Variants in AGAP1 observed in about 807,000 individuals in gnomAD.
AGAP1 encodes ArfGAP with GTPase domain, ankyrin repeat and PH domain 1, also known as arf-GAP with GTPase, ANK repeat and PH domain-containing protein 1.
In AGAP1, 29 loss-of-function variants were observed where a neutral mutation model predicts 105.3. The ratio of observed to expected loss-of-function variants is 0.28; its 90% confidence interval spans 0.21 to 0.38. AGAP1 has a LOEUF of 0.38. Ranked by LOEUF, AGAP1 falls within the 10% of genes least tolerant of loss-of-function variation. The probability of loss-of-function intolerance (pLI) is 1.00; values close to 1 mark genes in which losing one functional copy is unlikely to be tolerated. For missense variants in AGAP1, 998 were observed against 1,165.1 expected (o/e 0.86, Z 2.09); for synonymous variants, 509 against 485.9 (o/e 1.05, Z -0.63).
intron 13 of AGAP1, among the ~76,000 whole-genome samples, chr2:235,985,382 T>C (rs1415488882): frequency 1.3e-5 from 2 of 152,244 alleles, no homozygotes; most frequent in African/African-American, 4.8e-5. Context: ...GCAAAATTTT[T>C]CTCCCATTCT....
At position 236,038,587 on chromosome 2, in the gene AGAP1, A is replaced by G. The variant is rs528823638; in HGVS notation, c.1800+1872A>G. ...AAAGGTGGCCGACTCAGAGCTGGTC[A>G]TCGTGGGCATTGGTTGAACAGGTGT... On this transcript the variant is annotated intron_variant, in intron 14 of 17. Coordinates refer to ENST00000304032, the MANE Select transcript of AGAP1 (RefSeq NM_001037131.3). The surrounding 1 kb of genome is among the most constrained non-coding windows in gnomAD (Gnocchi z 4.5). Among the ~76,000 whole-genome samples, 9 of 152,338 alleles carry G rather than the reference A, an allele frequency of 5.9e-5. No individual in the cohort carries two copies. Among genetic ancestry groups the G allele is most frequent in the African/African-American group, 1.7e-4 (7 of 41,572 alleles).
At chr2:236,069,126 T>TAAA (rs1056836570) in intron 16 of AGAP1, among the ~76,000 whole-genome samples, 1 of 138,142 alleles carries the variant, frequency 7.2e-6, no homozygotes, top group African/African-American at 2.7e-5. Context: ...GACTCCATCT[T>TAAA]AAAAAAAAAA....
At chr2:236,086,179 G>A (rs1428344670) in intron 16 of AGAP1, among the ~76,000 whole-genome samples, 1 of 152,124 alleles carries the variant, frequency 6.6e-6, no homozygotes, top group East Asian at 1.9e-4. Context: ...AAAGTATTCG[G>A]TGATTAAATT....
rs755586107 is a variant in AGAP1, at chr2:236,036,156, C to T, written c.1646-405C>T. Among the ~76,000 whole-genome samples, 7 of 152,128 alleles carry T rather than the reference C, an allele frequency of 4.6e-5. No homozygotes were observed. The highest frequency in any genetic ancestry group is 1.7e-4 in the African/African-American group (7 of 41,426). On this transcript the variant is annotated intron_variant, in intron 13 of 17. Coordinates refer to ENST00000304032, the MANE Select transcript of AGAP1 (RefSeq NM_001037131.3). This position sits in a 1 kb window ranked among gnomAD's most constrained non-coding sequence, Gnocchi z 5.7. ...TCCATGGAGTGTCTGTGGATCTACGCGAGTGCTTAGATAGAAATTAACCCT... is the reference window on the plus strand; with the variant it reads ...TCCATGGAGTGTCTGTGGATCTACGTGAGTGCTTAGATAGAAATTAACCCT...
chr2:236,002,197 G>C lies in AGAP1; in HGVS notation c.1645+33574G>C, dbSNP rs974636312. 6.6e-6 allele frequency among the ~76,000 whole-genome samples: 1 copy of C among 152,210 alleles called. No individual in the cohort carries two copies. Among genetic ancestry groups the C allele is most frequent in the Non-Finnish European group, 1.5e-5 (1 of 68,044 alleles). On this transcript the variant is annotated intron_variant, in intron 13 of 17. Coordinates refer to ENST00000304032, the MANE Select transcript of AGAP1 (RefSeq NM_001037131.3). This position sits in a 1 kb window ranked among gnomAD's most constrained non-coding sequence, Gnocchi z 4.3. ...GTCATTCATTCAGCAGACTCGTTGA[G>C]AACATGTGTGGTAGGCACGTGCTGG...
rs1007824855 is a variant in AGAP1, at chr2:235,705,062, T to C, written c.164-4117T>C. 7.7e-6 allele frequency among the ~76,000 whole-genome samples: 1 copy of C among 130,170 alleles called. No individual in the cohort carries two copies. Among genetic ancestry groups the C allele is most frequent in the African/African-American group, 2.9e-5 (1 of 35,002 alleles). The allele number at this position is 130,170 out of a possible 152,430, so 85.4% of individuals were successfully genotyped here. On this transcript the variant is annotated intron_variant, in intron 1 of 17. Coordinates refer to ENST00000304032, the MANE Select transcript of AGAP1 (RefSeq NM_001037131.3). This position sits in a 1 kb window ranked among gnomAD's most constrained non-coding sequence, Gnocchi z 4.9. ...GGTGGGATCTCGGCTCGCTGCAACC[T>C]CTACCTCCCGGGTTCAAGCACTTCT...
intron 10 of AGAP1, among the ~76,000 whole-genome samples, chr2:235,902,746 C>T (rs572790965): frequency 6.6e-6 from 1 of 152,346 alleles, no homozygotes; most frequent in East Asian, 1.9e-4. Context: ...GCAACTCCAA[C>T]AGCTGCAGAA....
intron 13 of AGAP1, among the ~76,000 whole-genome samples, chr2:236,007,459 G>C (rs1225911754): frequency 6.6e-6 from 1 of 152,174 alleles, no homozygotes; most frequent in Non-Finnish European, 1.5e-5. Flanking sequence ...TGTGGAGGCT[G>C]GTGGTCCAGC....
At chr2:236,043,502 G>A (rs186767385) in intron 15 of AGAP1, among the ~76,000 whole-genome samples, 16 of 152,268 alleles carry the variant, frequency 1.1e-4, no homozygotes, top group East Asian at 3.9e-4. Flanking sequence ...CAAGGTGGGC[G>A]GATCACCTGA....
intron 2 of AGAP1, 29 bp from the exon 3 acceptor site, chr2:235,717,528 T>C (rs1383967359): frequency 2.6e-6 from 4 of 1,565,338 alleles, no homozygotes; most frequent in Non-Finnish European, 2.6e-6. Context: ...GATTTGATGA[T>C]GCTTAACGGT....
At position 235,549,281 on chromosome 2, in the gene AGAP1, G is replaced by A. The variant is rs557512969; in HGVS notation, c.163+54432G>A. On this transcript the variant is annotated intron_variant, in intron 1 of 17. Coordinates refer to ENST00000304032, the MANE Select transcript of AGAP1 (RefSeq NM_001037131.3). The surrounding 1 kb of genome is among the most constrained non-coding windows in gnomAD (Gnocchi z 4.2). ...AAAGCTGGGGGGAACGTGGAGGACA[G>A]GGATGACTGGAGAGAGCTGGCGAGT... Among the ~76,000 whole-genome samples, 7 of 152,358 alleles carry A rather than the reference G, an allele frequency of 4.6e-5. No homozygotes were observed. The South Asian group carries it at 1.0e-3, about 23-fold the overall frequency.
chr2:235,717,398 A>G (rs1304560380), intron 2 of AGAP1, among the ~76,000 whole-genome samples, 159 bp from the exon 3 acceptor site: 1 of 152,020 alleles, frequency 6.6e-6, no homozygotes. Flanking sequence ...ACTCCCTTTT[A>G]CTCCAATGGA....
chr2:235,722,531 C>A (rs1436188814), intron 3 of AGAP1, among the ~76,000 whole-genome samples: 1 of 152,126 alleles, frequency 6.6e-6, no homozygotes, highest in Non-Finnish European at 1.5e-5. Context: ...GACTCCTAAC[C>A]CCAGTCTCTG....
At chr2:235,532,946 G>A (rs6754331) in intron 1 of AGAP1, among the ~76,000 whole-genome samples, 83,641 of 151,896 alleles carry the variant, frequency 0.55, 23,699 homozygotes, top group Admixed American at 0.63. Context: ...GCTTTCCTTG[G>A]TTTGATTCTG....
rs1417877230 is a variant in AGAP1, at chr2:235,981,954, A to G, written c.1645+13331A>G. ...GATTCTTCCTACAGAAGAAGTTCAT[A>G]TAAAATAAGGGGTTTTATTATGGGT... On this transcript the variant is annotated intron_variant, in intron 13 of 17. Coordinates refer to ENST00000304032, the MANE Select transcript of AGAP1 (RefSeq NM_001037131.3). This position sits in a 1 kb window ranked among gnomAD's most constrained non-coding sequence, Gnocchi z 5.5. Among the ~76,000 whole-genome samples, 5 of 152,210 alleles carry G rather than the reference A, an allele frequency of 3.3e-5. No individual in the cohort carries two copies. The highest frequency in any genetic ancestry group is 7.3e-5 in the Non-Finnish European group (5 of 68,028).
At chr2:235,857,576 G>A (rs770558626) in intron 9 of AGAP1, among the ~76,000 whole-genome samples, 10 of 152,144 alleles carry the variant, frequency 6.6e-5, no homozygotes, top group Non-Finnish European at 1.3e-4. Context: ...CTGCAGAAGT[G>A]GATACACCAA....
chr2:236,047,384 T>G (rs982811063), intron 15 of AGAP1, among the ~76,000 whole-genome samples: 1 of 151,860 alleles, frequency 6.6e-6, no homozygotes, highest in Admixed American at 6.6e-5. Flanking sequence ...GTGCCATGCC[T>G]CCACCCTCCA....
At chr2:235,895,941 T>G (rs1214391861) in intron 10 of AGAP1, among the ~76,000 whole-genome samples, 1 of 152,252 alleles carries the variant, frequency 6.6e-6, no homozygotes, top group Non-Finnish European at 1.5e-5. Flanking sequence ...GGATTTTGTT[T>G]GTTGCTTTTT....
At chr2:235,795,068 C>G (rs561397726) in intron 6 of AGAP1, among the ~76,000 whole-genome samples, 1 of 152,232 alleles carries the variant, frequency 6.6e-6, no homozygotes, top group African/African-American at 2.4e-5. Flanking sequence ...AGAAGAGCAG[C>G]TCCCTCCCGT....
Sources: gnomAD v4.1 joint callset for allele counts (sites outside exome capture counted in the v4.1 genomes callset) on GRCh38, gnomAD v4.1.1 for gene constraint, Gnocchi (gnomAD v3.1) non-coding constraint, MANE v1.5 for transcripts, NCBI Gene and HGNC (gene_info 2026-07-23, HGNC 2026-07-21) for gene names.